The following HECTD2 variants were observed in gnomAD, a reference collection of about 807,000 sequenced individuals.
The protein encoded by HECTD2 is HECT domain E3 ubiquitin protein ligase 2.
HECTD2 carries 35 observed loss-of-function variants against 103.2 expected under a neutral mutation model. The ratio of observed to expected loss-of-function variants is 0.34; its 90% CI spans 0.26 to 0.45. The LOEUF is 0.45. Ranked by LOEUF, HECTD2 falls within the 20% of genes least tolerant of loss-of-function variation. HECTD2 has a pLI of 1.00. For synonymous variants in HECTD2, 281 were observed against 329.9 expected (o/e 0.85, Z 1.61); for missense variants, 596 against 937.4 (o/e 0.64, Z 4.76).
chr10:91,492,295 G>A, intron 12 of HECTD2, 57 bp from the exon 13 acceptor site: 1 of 1,507,020 alleles, frequency 6.6e-7, no homozygotes, highest in Admixed American at 1.8e-5. Flanking sequence ...AATTAAAAAT[G>A]TTAATTCTCT....
chr10:91,409,271 G>C (rs1842822182), upstream of HECTD2: 1 of 152,154 alleles, frequency 6.6e-6, no homozygotes, highest in South Asian at 2.1e-4. Flanking sequence ...AAAAGGAGGG[G>C]GCGACAAGAA....
At chr10:91,429,879 T>G (rs1843759784) in intron 2 of HECTD2, among the ~76,000 whole-genome samples, 1 of 152,198 alleles carries the variant, frequency 6.6e-6, no homozygotes, top group Admixed American at 6.5e-5. Context: ...TCTATTTCCT[T>G]CAGTTCTGCT....
intron 10 of HECTD2, chr10:91,486,191 T>G (rs942007005): frequency 6.6e-6 from 1 of 152,154 alleles, no homozygotes; most frequent in Non-Finnish European, 1.5e-5. Context: ...TTTATCAGAA[T>G]TGGCCTGAAA....
At chr10:91,416,639 C>A (rs1843137757) in intron 1 of HECTD2, among the ~76,000 whole-genome samples, 1 of 152,152 alleles carries the variant, frequency 6.6e-6, no homozygotes, top group African/African-American at 2.4e-5. Flanking sequence ...CAGAAAATAT[C>A]CTCATTGTTA....
chr10:91,416,180 C>G (rs1209242257), intron 1 of HECTD2, among the ~76,000 whole-genome samples: 1 of 152,004 alleles, frequency 6.6e-6, no homozygotes, highest in Non-Finnish European at 1.5e-5. Context: ...CAGAGAACCT[C>G]CAAAAAAGTC....
intron 1 of HECTD2, among the ~76,000 whole-genome samples, chr10:91,424,131 A>G (rs910218163): frequency 6.6e-6 from 1 of 152,154 alleles, no homozygotes. Flanking sequence ...ATGTCAACTC[A>G]GCCTGGATGG....
intron 20 of HECTD2, among the ~76,000 whole-genome samples, chr10:91,510,434 A>C (rs1847377488): frequency 6.6e-6 from 1 of 152,224 alleles, no homozygotes; most frequent in South Asian, 2.1e-4. Flanking sequence ...TGATGGATTA[A>C]GAAAATCCTG....
At chr10:91,423,555 A>T (rs1409588892) in intron 1 of HECTD2, among the ~76,000 whole-genome samples, 1 of 152,124 alleles carries the variant, frequency 6.6e-6, no homozygotes, top group Non-Finnish European at 1.5e-5. Flanking sequence ...TTACTCATGG[A>T]AGTGTCCCTC....
At chr10:91,439,421 G>T (rs1202874494) in intron 2 of HECTD2, among the ~76,000 whole-genome samples, 1 of 152,030 alleles carries the variant, frequency 6.6e-6, no homozygotes, top group Non-Finnish European at 1.5e-5. Flanking sequence ...CCTTTATCCG[G>T]TTCCATTGGT....
At chr10:91,449,620 T>A (rs988716882) in intron 2 of HECTD2, among the ~76,000 whole-genome samples, 2 of 152,184 alleles carry the variant, frequency 1.3e-5, no homozygotes, top group African/African-American at 4.8e-5. Context: ...GTAGATGACA[T>A]GATTGTATAT....
chr10:91,476,907 G>C (rs1279323331), intron 5 of HECTD2, among the ~76,000 whole-genome samples: 4 of 152,136 alleles, frequency 2.6e-5, no homozygotes, highest in Non-Finnish European at 5.9e-5. Context: ...CGGGCCGGGC[G>C]CGGTGGCTCA....
At position 91,487,544 on chromosome 10, in the gene HECTD2, T is replaced by C. The variant is rs1251421303; in HGVS notation, c.1095-138T>C. The C allele has an allele frequency of 4.2e-6, 3 of 709,672 alleles. No individual in the cohort carries two copies. Among genetic ancestry groups the C allele is most frequent in the East Asian group, 5.4e-5 (2 of 36,864 alleles). The allele number at this position is 709,672 out of a possible 1,614,324, so 44.0% of individuals were successfully genotyped here. On this transcript the variant is annotated intron_variant, in intron 10 of 20. Transcript: ENST00000298068. The surrounding 1 kb of genome is among the most constrained non-coding windows in gnomAD (Gnocchi z 4.1). ...TGAGAATTAAAAGAAATTATACACA[T>C]ACAATCATTTTGTATATGGTAAAAC...
intron 2 of HECTD2, among the ~76,000 whole-genome samples, chr10:91,459,220 G>C (rs1057391953): frequency 6.6e-6 from 1 of 152,010 alleles, no homozygotes; most frequent in Non-Finnish European, 1.5e-5. Flanking sequence ...ATGCTGGTGA[G>C]TATGTAGAGA....
chr10:91,507,383 C>T (rs938580948), intron 20 of HECTD2, among the ~76,000 whole-genome samples: 56 of 151,712 alleles, frequency 3.7e-4, no homozygotes, highest in East Asian at 2.7e-3. Flanking sequence ...ACCCCATTGT[C>T]TCAGCCCAAA....
chr10:91,504,999 A>G (rs931848134), intron 20 of HECTD2, among the ~76,000 whole-genome samples: 1 of 152,240 alleles, frequency 6.6e-6, no homozygotes, highest in African/African-American at 2.4e-5. Context: ...TTTTCAACCC[A>G]GAATTTCATA....
chr10:91,501,476 TG>T, intron 20 of HECTD2, 142 bp downstream of exon 20: 1 of 515,224 alleles, frequency 1.9e-6, no homozygotes, highest in Non-Finnish European at 3.3e-6. Flanking sequence ...GGCCTTGAAA[TG>T]TAAGAGATTT....
intron 1 of HECTD2, among the ~76,000 whole-genome samples, chr10:91,423,083 T>C (rs1258513788): frequency 6.6e-6 from 1 of 152,158 alleles, no homozygotes; most frequent in African/African-American, 2.4e-5. Flanking sequence ...TCTATAAAAG[T>C]AGAGATTACA....
At chr10:91,456,691 C>G (rs1845111098) in intron 2 of HECTD2, among the ~76,000 whole-genome samples, 1 of 152,030 alleles carries the variant, frequency 6.6e-6, no homozygotes, top group Non-Finnish European at 1.5e-5. Flanking sequence ...TTTGCCCATT[C>G]AGTATGATAT....
intron 2 of HECTD2, among the ~76,000 whole-genome samples, chr10:91,453,434 C>T (rs1337778293): frequency 3.9e-5 from 6 of 152,048 alleles, no homozygotes; most frequent in Non-Finnish European, 7.4e-5. Context: ...CTGTCACACA[C>T]ACAAAAAGAA....
Sources: gnomAD v4.1 joint callset for allele counts (sites outside exome capture counted in the v4.1 genomes callset) on GRCh38, gnomAD v4.1.1 for gene constraint, Gnocchi (gnomAD v3.1) non-coding constraint, MANE v1.5 for transcripts, NCBI Gene and HGNC (gene_info 2026-07-23, HGNC 2026-07-21) for gene names.